The following CLVS1 variants were observed in gnomAD, a reference collection of about 807,000 sequenced individuals.
CLVS1 encodes the protein clavesin-1.
Under a neutral mutation model 33.1 loss-of-function variants are expected in CLVS1, and 10 were observed. The observed-to-expected ratio is 0.30, with a 90% CI of 0.19 to 0.51. CLVS1 has a LOEUF of 0.51. Among genes scored for constraint, CLVS1 ranks in the 20% least tolerant of loss-of-function variants. The pLI, the probability that CLVS1 is intolerant of heterozygous loss-of-function variation, is 0.97. For missense variants in CLVS1, 343 were observed against 433.4 expected (o/e 0.79, Z 1.85); for synonymous variants, 163 against 166.1 (o/e 0.98, Z 0.14).
chr8:61,429,544 C>A (rs1342789542), intron 3 of CLVS1, among the ~76,000 whole-genome samples: 1 of 152,004 alleles, frequency 6.6e-6, no homozygotes, highest in Non-Finnish European at 1.5e-5. Flanking sequence ...ATGGCAGAGT[C>A]CTCCAGATCT....
intron 2 of CLVS1, among the ~76,000 whole-genome samples, chr8:61,372,161 A>G (rs1392170454): frequency 1.3e-5 from 2 of 152,168 alleles, no homozygotes; most frequent in Non-Finnish European, 2.9e-5. Context: ...TAGAATTGTG[A>G]TTGCAGGCAA....
At chr8:60,990,035 G>A in the CLVS1 span, among the ~76,000 whole-genome samples, 2 of 145,130 alleles carry the variant, frequency 1.4e-5, no homozygotes, top group African/African-American at 5.1e-5. Flanking sequence ...TGAGGCAGGA[G>A]AATCGCTTGA....
intron 2 of CLVS1, among the ~76,000 whole-genome samples, chr8:61,177,080 C>T (rs528907445): frequency 2.0e-4 from 22 of 108,320 alleles, no homozygotes; most frequent in African/African-American, 7.0e-4. Flanking sequence ...GGCGAGGGGG[C>T]GGGGCGGGGG....
intron 2 of CLVS1, among the ~76,000 whole-genome samples, chr8:61,145,715 G>A (rs1016483124): frequency 6.6e-6 from 1 of 152,080 alleles, no homozygotes; most frequent in African/African-American, 2.4e-5. Flanking sequence ...CCCTCCCCTC[G>A]GGCAAGTCAC....
intron 3 of CLVS1, among the ~76,000 whole-genome samples, chr8:61,421,181 A>T (rs1279813381): frequency 6.6e-6 from 1 of 152,100 alleles, no homozygotes; most frequent in African/African-American, 2.4e-5. Flanking sequence ...GATGCCTAGA[A>T]CCGAACCCCT....
At chr8:61,178,105 G>A (rs1217537818) in intron 2 of CLVS1, among the ~76,000 whole-genome samples, 2 of 152,110 alleles carry the variant, frequency 1.3e-5, no homozygotes, top group Non-Finnish European at 2.9e-5. Context: ...CTTGATAAAA[G>A]GTTACAGGAG....
chr8:61,141,646 C>T (rs1223369438), intron 2 of CLVS1, among the ~76,000 whole-genome samples: 1 of 152,156 alleles, frequency 6.6e-6, no homozygotes, highest in East Asian at 1.9e-4. Context: ...TTGTGAAGCC[C>T]AAGTCACAAA....
intron 2 of CLVS1, among the ~76,000 whole-genome samples, chr8:61,197,758 G>T (rs1354067205): frequency 6.6e-6 from 1 of 152,188 alleles, no homozygotes; most frequent in Admixed American, 6.5e-5. Flanking sequence ...GACCTCAAGT[G>T]ATCCACCTAC....
intron 2 of CLVS1, 111 bp from the exon 3 acceptor site, chr8:61,376,494 C>T: frequency 1.0e-6 from 1 of 960,226 alleles, no homozygotes; most frequent in Non-Finnish European, 1.6e-6. Flanking sequence ...CAGTGTGACC[C>T]TCCAGGCGGG....
chr8:61,364,493 T>C (rs1392473870), intron 2 of CLVS1, among the ~76,000 whole-genome samples: 1 of 152,234 alleles, frequency 6.6e-6, no homozygotes, highest in Non-Finnish European at 1.5e-5. Context: ...AGACTTTTCT[T>C]TCAGTTACAT....
chr8:61,479,643 G>C (rs1056061957), intron 5 of CLVS1, among the ~76,000 whole-genome samples: 1 of 152,174 alleles, frequency 6.6e-6, no homozygotes, highest in Non-Finnish European at 1.5e-5. Context: ...CATTCCTTTG[G>C]AGGAGGAGAG....
chr8:61,118,484 T>C (rs1373843337), intron 1 of CLVS1, among the ~76,000 whole-genome samples: 1 of 149,500 alleles, frequency 6.7e-6, no homozygotes, highest in Non-Finnish European at 1.5e-5. Flanking sequence ...TTTTGCATCT[T>C]TCCTGCTTTC....
chr8:61,304,436 G>T (rs1181972495), intron 2 of CLVS1, among the ~76,000 whole-genome samples: 1 of 152,182 alleles, frequency 6.6e-6, no homozygotes, highest in Non-Finnish European at 1.5e-5. Context: ...ATTTTTTGAG[G>T]CTGCCAGGCC....
chr8:61,051,818 C>T, the CLVS1 span, among the ~76,000 whole-genome samples: 1 of 152,264 alleles, frequency 6.6e-6, no homozygotes, highest in Non-Finnish European at 1.5e-5. Context: ...GGAGTGCCCC[C>T]CAACTGCAGC....
At chr8:61,118,323 G>A (rs1420842802) in intron 1 of CLVS1, among the ~76,000 whole-genome samples, 1 of 152,060 alleles carries the variant, frequency 6.6e-6, no homozygotes. Flanking sequence ...CAAAACACCA[G>A]CTCCTGGGTT....
intron 3 of CLVS1, among the ~76,000 whole-genome samples, chr8:61,416,031 G>A (rs1043101542): frequency 1.3e-5 from 2 of 152,132 alleles, no homozygotes; most frequent in Non-Finnish European, 1.5e-5. Context: ...TGTGTGGGCT[G>A]ACTGGGGGTT....
At chr8:61,380,166 G>A (rs939930429) in intron 3 of CLVS1, among the ~76,000 whole-genome samples, 13 of 152,156 alleles carry the variant, frequency 8.5e-5, no homozygotes, top group African/African-American at 2.9e-4. Context: ...TGTGATTCTA[G>A]GTACTATAGA....
At position 61,373,326 on chromosome 8, in the gene CLVS1, A is replaced by T. The variant is rs552190383; in HGVS notation, c.456-3279A>T. Among the ~76,000 whole-genome samples the T allele has an allele frequency of 2.6e-5, 4 of 152,352 alleles. No individual in the cohort carries two copies. In the East Asian group the frequency reaches 7.7e-4, roughly 29 times the overall value. ...CCTGCCTGCCCAGTTTCTCTGGAAAAGTAAAGCATTCAAACATTTGGAAAC... is the reference window on the plus strand; with the variant it reads ...CCTGCCTGCCCAGTTTCTCTGGAAATGTAAAGCATTCAAACATTTGGAAAC... On this transcript the variant is annotated intron_variant, in intron 2 of 5. Coordinates refer to ENST00000325897, the MANE Select transcript of CLVS1 (RefSeq NM_173519.3).
intron 2 of CLVS1, among the ~76,000 whole-genome samples, chr8:61,220,994 T>C (rs879177684): frequency 1.3e-5 from 2 of 152,330 alleles, no homozygotes; most frequent in South Asian, 2.1e-4. Flanking sequence ...TTGCCTATTA[T>C]TGGTGTAAAG....
Sources: gnomAD v4.1 joint callset for allele counts (sites outside exome capture counted in the v4.1 genomes callset) on GRCh38, gnomAD v4.1.1 for gene constraint, MANE v1.5 for transcripts, NCBI Gene and HGNC (gene_info 2026-07-23, HGNC 2026-07-21) for gene names.